The following EBF3 variants were observed in gnomAD, a reference collection of about 807,000 sequenced individuals.
The protein encoded by EBF3 is transcription factor COE3.
Under a neutral mutation model 77.1 loss-of-function variants are expected in EBF3, and 18 were observed. The observed-to-expected ratio is 0.23, with a 90% CI of 0.16 to 0.35. The LOEUF is 0.35. Among genes scored for constraint, EBF3 ranks in the 10% least tolerant of loss-of-function variants. EBF3 has a pLI of 1.00. For missense variants in EBF3, 558 were observed against 860.0 expected, an observed-to-expected ratio of 0.65 and a Z score of 4.39; for synonymous variants, 350 against 343.5, an observed-to-expected ratio of 1.02 and a Z score of -0.21.
intron 10 of EBF3, among the ~76,000 whole-genome samples, chr10:129,858,043 G>A (rs1191151384): frequency 6.6e-6 from 1 of 152,238 alleles, no homozygotes; most frequent in Non-Finnish European, 1.5e-5. Context: ...TGGTGAGGAA[G>A]GGGAGCAGTC....
intron 6 of EBF3, among the ~76,000 whole-genome samples, chr10:129,911,862 C>A (rs142848698): frequency 2.2e-3 from 330 of 152,336 alleles, no homozygotes; most frequent in African/African-American, 7.3e-3. Flanking sequence ...CCGAAGGGAG[C>A]TTTGCCAACA....
intron 6 of EBF3, among the ~76,000 whole-genome samples, chr10:129,950,248 A>G (rs1019576755): frequency 6.6e-6 from 1 of 152,170 alleles, no homozygotes; most frequent in Non-Finnish European, 1.5e-5. Flanking sequence ...CTAGTGAATT[A>G]CTGGGAAGGC....
intron 6 of EBF3, among the ~76,000 whole-genome samples, chr10:129,932,417 C>A (rs563687245): frequency 6.6e-6 from 1 of 152,142 alleles, no homozygotes; most frequent in Non-Finnish European, 1.5e-5. Flanking sequence ...GAGCGGCCGC[C>A]GATCTGAGAG....
intron 10 of EBF3, 49 bp downstream of exon 10, chr10:129,867,092 G>A: frequency 6.3e-7 from 1 of 1,589,240 alleles, no homozygotes; most frequent in South Asian, 1.1e-5. Flanking sequence ...CTCCTGGTGG[G>A]GAGGAGGCCT....
chr10:129,892,719 T>G (rs1262346735), intron 6 of EBF3, among the ~76,000 whole-genome samples: 3 of 152,220 alleles, frequency 2.0e-5, no homozygotes, highest in Non-Finnish European at 4.4e-5. Flanking sequence ...CCTGCACATT[T>G]TATCTAATCA....
At chr10:129,956,092 G>C (rs926676595) in intron 6 of EBF3, among the ~76,000 whole-genome samples, 1 of 152,180 alleles carries the variant, frequency 6.6e-6, no homozygotes, top group East Asian at 1.9e-4. Flanking sequence ...TAAGAGAGCT[G>C]TCCCTTCTGT....
At chr10:129,840,589 G>C (rs1304029096) in intron 14 of EBF3, 147 bp from the exon 15 acceptor site, 2 of 1,027,888 alleles carry the variant, frequency 1.9e-6, no homozygotes, top group Admixed American at 2.5e-5. Flanking sequence ...CTGGATAACA[G>C]GCAAGCTCTT....
chr10:129,940,775 A>G (rs1857675744), intron 6 of EBF3, among the ~76,000 whole-genome samples: 1 of 152,162 alleles, frequency 6.6e-6, no homozygotes, highest in African/African-American at 2.4e-5. Context: ...GTGGCCCAGG[A>G]TGCCAGGGGA....
chr10:129,876,060 G>A (rs951223286), intron 7 of EBF3, among the ~76,000 whole-genome samples: 2 of 152,240 alleles, frequency 1.3e-5, no homozygotes, highest in African/African-American at 4.8e-5. Context: ...CACAGGCTTT[G>A]CAGTCATCTA....
At chr10:129,917,679 A>AAAAAAAAC (rs1564887155) in intron 6 of EBF3, among the ~76,000 whole-genome samples, 22 of 142,076 alleles carry the variant, frequency 1.5e-4, no homozygotes, top group Non-Finnish European at 1.5e-4. Context: ...AAAAAAAAAA[A>AAAAAAAAC]CTAAAACCAA....
intron 6 of EBF3, among the ~76,000 whole-genome samples, chr10:129,939,998 G>A (rs1857618806): frequency 6.6e-6 from 1 of 152,212 alleles, no homozygotes; most frequent in Non-Finnish European, 1.5e-5. Context: ...CTTCCCCTCT[G>A]ACGGGGATGT....
At chr10:129,871,546 C>T (rs965773528) in intron 8 of EBF3, among the ~76,000 whole-genome samples, 27 of 152,080 alleles carry the variant, frequency 1.8e-4, no homozygotes, top group Admixed American at 1.6e-3. Flanking sequence ...GGATGTGGGA[C>T]TGATGTAGAG....
chr10:129,962,593 T>A (rs2050271), intron 3 of EBF3, among the ~76,000 whole-genome samples: 5,656 of 145,274 alleles, frequency 0.039, 230 homozygotes, highest in South Asian at 0.15. Context: ...CTCGAGGATT[T>A]AAAAAAAAAA....
chr10:129,931,273 T>C (rs1379518600), intron 6 of EBF3, among the ~76,000 whole-genome samples: 2 of 152,228 alleles, frequency 1.3e-5, no homozygotes, highest in East Asian at 1.9e-4. Flanking sequence ...CCCAATGTCT[T>C]GGGGATACTT....
At chr10:129,939,891 G>C (rs192010628) in intron 6 of EBF3, among the ~76,000 whole-genome samples, 3 of 152,236 alleles carry the variant, frequency 2.0e-5, no homozygotes, top group Non-Finnish European at 1.5e-5. Flanking sequence ...GAGGACTTAC[G>C]AGGAGTTATG....
At chr10:129,862,835 C>T (rs1292033830) in intron 10 of EBF3, among the ~76,000 whole-genome samples, 6 of 152,160 alleles carry the variant, frequency 3.9e-5, no homozygotes, top group Non-Finnish European at 7.3e-5. Flanking sequence ...TCTTTTATTA[C>T]TCTTAACCAT....
chr10:129,957,190 A>T, intron 6 of EBF3, 68 bp downstream of exon 6: 1 of 1,443,816 alleles, frequency 6.9e-7, no homozygotes, highest in Non-Finnish European at 9.6e-7. Context: ...GCAACTGGAA[A>T]CCAAGCAAGG....
At chr10:129,838,657 T>C (rs1849782349) in intron 16 of EBF3, among the ~76,000 whole-genome samples, 1 of 152,240 alleles carries the variant, frequency 6.6e-6, no homozygotes, top group Non-Finnish European at 1.5e-5. Flanking sequence ...GGGCTGACGC[T>C]TTCACATGAA....
At chr10:129,928,297 A>G (rs1856802128) in intron 6 of EBF3, among the ~76,000 whole-genome samples, 1 of 152,236 alleles carries the variant, frequency 6.6e-6, no homozygotes, top group South Asian at 2.1e-4. Context: ...AATTAATTAT[A>G]AACTCGCCAG....
Sources: allele counts gnomAD v4.1 joint callset (sites outside exome capture counted in the v4.1 genomes callset), GRCh38; gene constraint gnomAD v4.1.1; transcripts MANE v1.5; gene names NCBI Gene and HGNC (gene_info 2026-07-23, HGNC 2026-07-21).